Variants in PROCR observed in about 807,000 individuals in gnomAD.
PROCR encodes the protein protein C receptor.
PROCR carries 22 observed loss-of-function variants against 24.2 expected under a neutral mutation model. The observed-to-expected ratio is 0.91, with a 90% CI of 0.65 to 1.30. The LOEUF (loss-of-function observed/expected upper bound fraction) is 1.30, where lower values mean the gene tolerates loss of function less well. Among genes scored for constraint, PROCR ranks in the 50% most tolerant of loss-of-function variants. The pLI is 0.00. For synonymous variants in PROCR, 137 were observed against 139.2 expected, an observed-to-expected ratio of 0.98 and a Z score of 0.11; for missense variants, 288 against 307.7, an observed-to-expected ratio of 0.94 and a Z score of 0.48.
downstream of PROCR, chr20:35,177,481 C>T: frequency 3.7e-6 from 3 of 802,760 alleles, no homozygotes; most frequent in Non-Finnish European, 4.3e-6. Context: ...CAGAGTCTTG[C>T]TCTGTTGCCT....
At chr20:35,182,180 C>T (rs1368029314), downstream of PROCR, among the ~76,000 whole-genome samples, 1 of 152,222 alleles carries the variant, frequency 6.6e-6, no homozygotes, top group Non-Finnish European at 1.5e-5. Flanking sequence ...CCCATTAAGA[C>T]TCACACAGAG....
At chr20:35,173,059 T>C (rs1170746790) in intron 1 of PROCR, among the ~76,000 whole-genome samples, 1 of 152,152 alleles carries the variant, frequency 6.6e-6, no homozygotes, top group African/African-American at 2.4e-5. Flanking sequence ...TAAATATACT[T>C]ATTCACATCT....
rs567718834 is a variant in PROCR, at chr20:35,203,487, C to T, written c.95-12406C>T. ...AGACGAACTCTTGGGCGTGATAGTG[C>T]GCGCCTGTAATCTCAGCTATTCAGG... On this transcript the variant is annotated intron_variant, in intron 1 of 1. Transcript: ENST00000634509. Among the ~76,000 whole-genome samples, 21 of 151,548 alleles carry T rather than the reference C, an allele frequency of 1.4e-4. No homozygotes were observed. In the South Asian group the frequency reaches 3.1e-3, roughly 23 times the overall value.
chr20:35,206,529 A>T (rs1314377334), intron 1 of PROCR, among the ~76,000 whole-genome samples: 1 of 151,322 alleles, frequency 6.6e-6, no homozygotes, highest in Non-Finnish European at 1.5e-5. Context: ...AAAACAAACA[A>T]TTTTTTAAAA....
intron 1 of PROCR, among the ~76,000 whole-genome samples, chr20:35,185,748 G>T (rs1274713833): frequency 1.3e-5 from 2 of 152,240 alleles, no homozygotes; most frequent in African/African-American, 4.8e-5. Flanking sequence ...GAGTGGGAGG[G>T]GGGTGAGGGA....
chr20:35,192,828 C>T (rs2086185378), intron 1 of PROCR, among the ~76,000 whole-genome samples: 1 of 152,136 alleles, frequency 6.6e-6, no homozygotes, highest in African/African-American at 2.4e-5. Flanking sequence ...AGTGCTCCTG[C>T]TCTGTCAATA....
rs1410946594 is a variant in PROCR at position 35,172,073 on chromosome 20, C to T, written c.-82C>T. On this transcript the variant is annotated 5_prime_UTR_variant, in exon 1 of 4. Coordinates refer to ENST00000216968, the MANE Select transcript of PROCR (RefSeq NM_006404.5). The stretch of plus-strand genomic sequence containing the variant: ...CTCCGCCCCTCCCAGACGGTCCTCA[C>T]TTCTCTTTTCCCTAGACTGCAGCCA... The T allele has an allele frequency of 1.4e-6, 2 of 1,380,280 alleles. No homozygotes were observed. The highest frequency in any genetic ancestry group is 1.4e-5 in the African/African-American group (1 of 70,216). 85.5% of individuals were successfully genotyped at this position (1,380,280 alleles called of 1,614,324 possible).
At chr20:35,178,576 C>T (rs1195066776), downstream of PROCR, among the ~76,000 whole-genome samples, 1 of 66,502 alleles carries the variant, frequency 1.5e-5, no homozygotes, top group East Asian at 4.6e-4. Context: ...AGTGCAGTGG[C>T]GGGATCTCGG....
downstream of PROCR, among the ~76,000 whole-genome samples, chr20:35,178,040 C>G (rs777843019): frequency 6.6e-6 from 1 of 152,082 alleles, no homozygotes; most frequent in Admixed American, 6.6e-5. Context: ...GACCTACTGA[C>G]CTTCATGGCT....
chr20:35,176,366 C>T lies in PROCR; in HGVS notation c.521C>T (p.Thr174Ile), dbSNP rs148819393. Residue 174 changes from threonine (T) to isoleucine (I), a missense_variant, in exon 3 of 4, where the codon ACT becomes ATT. Coordinates refer to ENST00000216968, the MANE Select transcript of PROCR (RefSeq NM_006404.5). ...CAGCAGCTCAATGCCTACAACCGCA[C>T]TCGGTATGAACTGCGGGAATTCCTG... ...TLQQLNAYNRTRYELREFLED... is the reference protein window; with the variant it reads ...TLQQLNAYNRIRYELREFLED... 1.2e-5 allele frequency: 19 copies of T among 1,614,134 alleles called. No individual in the cohort carries two copies. The highest frequency in any genetic ancestry group is 3.3e-5 in the Admixed American group (2 of 60,012).
At chr20:35,179,229 T>A (rs1196871383), downstream of PROCR, among the ~76,000 whole-genome samples, 2 of 55,990 alleles carry the variant, frequency 3.6e-5, no homozygotes, top group East Asian at 4.3e-4. Context: ...TGAGACTCCA[T>A]CTCAAAAAAA....
Position 35,174,713 on chromosome 20 carries a change from C to T in PROCR, c.82C>T (p.Leu28Phe), listed in dbSNP as rs1348998632. 1 of 1,613,976 alleles carries T rather than the reference C, an allele frequency of 6.2e-7. No individual in the cohort carries two copies. Among genetic ancestry groups the T allele is most frequent in the African/African-American group, 1.3e-5 (1 of 74,906 alleles). Reference sequence around the variant, plus strand: ...GACTCTGCCCGCAGGCCTCCAAAGACTTCATATGCTCCAGATCTCCTACTT... The same window carrying T: ...GACTCTGCCCGCAGGCCTCCAAAGATTTCATATGCTCCAGATCTCCTACTT... ...SQDASDGLQRLHMLQISYFRD... is the reference protein window; with the variant it reads ...SQDASDGLQRFHMLQISYFRD... Residue 28 changes from leucine to phenylalanine, a missense_variant, in exon 2 of 4, where the codon CTT becomes TTT. Physicochemically the swap from Leu to Phe is conservative, Grantham distance 22. Transcript: ENST00000216968.
Position 35,185,840 on chromosome 20 carries a change from A to G in PROCR, c.94+9394A>G, listed in dbSNP as rs891185493. Among the ~76,000 whole-genome samples the G allele has an allele frequency of 2.6e-5, 4 of 152,258 alleles. No homozygotes were observed. The East Asian group carries it at 7.7e-4, about 29-fold the overall frequency. ...CTCCACCAAACAACTTACTCATGTA[A>G]CCAAATGCCACCTGTACCTCGATAA... On this transcript the variant is annotated intron_variant, in intron 1 of 1. Transcript: ENST00000634509.
chr20:35,174,245 T>A (rs1004054784), intron 1 of PROCR: 1 of 211,552 alleles, frequency 4.7e-6, no homozygotes, highest in Admixed American at 5.1e-5. Flanking sequence ...CTGGGTCAGG[T>A]GGAGGTCGGA....
At position 35,177,162 on chromosome 20, in the gene PROCR, A is replaced by G; in HGVS notation, c.*349A>G. 1.3e-5 allele frequency: 15 copies of G among 1,148,844 alleles called. No homozygotes were observed. Among genetic ancestry groups the G allele is most frequent in the Non-Finnish European group, 1.6e-5 (15 of 923,568 alleles). The allele number at this position is 1,148,844 out of a possible 1,614,324, so 71.2% of individuals were successfully genotyped here. A position where few individuals can be genotyped will look rare whatever the true frequency, so the allele number is the denominator to read the frequency against. ...GAATCACCTGAGGCGTTCAAAAGATATAACCAAATAAACAAGTCATCCACA... is the reference window on the plus strand; with the variant it reads ...GAATCACCTGAGGCGTTCAAAAGATGTAACCAAATAAACAAGTCATCCACA... On this transcript the variant is annotated 3_prime_UTR_variant, in exon 4 of 4. Transcript: ENST00000216968.
At chr20:35,208,008 A>T (rs1301568699) in intron 1 of PROCR, among the ~76,000 whole-genome samples, 1 of 152,216 alleles carries the variant, frequency 6.6e-6, no homozygotes, top group Non-Finnish European at 1.5e-5. Context: ...TTTAGTGAGA[A>T]TCCATTTATT....
At chr20:35,207,167 T>C (rs536270481) in intron 1 of PROCR, among the ~76,000 whole-genome samples, 1 of 152,082 alleles carries the variant, frequency 6.6e-6, no homozygotes, top group Non-Finnish European at 1.5e-5. Flanking sequence ...AACATATCAG[T>C]GTTGCCAGGG....
downstream of PROCR, among the ~76,000 whole-genome samples, chr20:35,179,337 T>C (rs926701511): frequency 6.6e-6 from 1 of 150,538 alleles, no homozygotes; most frequent in African/African-American, 2.4e-5. Flanking sequence ...AGCTCAGGGG[T>C]TTGAGACCAG....
chr20:35,203,758 A>G (rs561456302), intron 1 of PROCR, among the ~76,000 whole-genome samples: 1 of 152,252 alleles, frequency 6.6e-6, no homozygotes, highest in African/African-American at 2.4e-5. Context: ...TCAAAACAAA[A>G]CATATCAAAA....
Sources: gnomAD v4.1 joint callset for allele counts (sites outside exome capture counted in the v4.1 genomes callset) on GRCh38, gnomAD v4.1.1 for gene constraint, MANE v1.5 for transcripts, NCBI Gene and HGNC (gene_info 2026-07-23, HGNC 2026-07-21) for gene names.